The following ANKRD44 variants were observed in gnomAD, a reference collection of about 807,000 sequenced individuals.
ANKRD44 encodes the protein serine/threonine-protein phosphatase 6 regulatory ankyrin repeat subunit B.
In ANKRD44, 35 loss-of-function variants were observed where a neutral mutation model predicts 116.0. That is an observed-to-expected ratio of 0.30 (90% CI 0.23 to 0.40). The LOEUF (loss-of-function observed/expected upper bound fraction) is 0.40. Among genes scored for constraint, ANKRD44 ranks in the 10% least tolerant of loss-of-function variants. The probability of loss-of-function intolerance (pLI) is 1.00; values close to 1 mark genes in which losing one functional copy is unlikely to be tolerated. For synonymous variants in ANKRD44, 435 were observed against 461.8 expected (o/e 0.94, Z 0.74); for missense variants, 1,014 against 1,242.6 (o/e 0.82, Z 2.77).
intron 1 of ANKRD44, among the ~76,000 whole-genome samples, chr2:197,288,109 A>C (rs1304367707): frequency 6.6e-6 from 1 of 152,126 alleles, no homozygotes; most frequent in Non-Finnish European, 1.5e-5. Context: ...TTGCCCAAAA[A>C]TCAGTTATAA....
At chr2:197,287,089 A>C (rs2083427791) in intron 1 of ANKRD44, among the ~76,000 whole-genome samples, 1 of 152,062 alleles carries the variant, frequency 6.6e-6, no homozygotes, top group Non-Finnish European at 1.5e-5. Context: ...TCAACTATGG[A>C]CTTTGGGTGA....
rs142451221 is a variant in ANKRD44, at chr2:197,273,311, C to T, written c.27+37267G>A. On this transcript the variant is annotated intron_variant, in intron 1 of 27. Coordinates refer to ENST00000282272, the MANE Select transcript of ANKRD44 (RefSeq NM_001195144.2). ...ACTGGTCAGAAGAGGATAGTTAACC[C>T]GATTTTTTTAACATCAAATTAAATG... Among the ~76,000 whole-genome samples, 42 of 152,076 alleles carry T rather than the reference C, an allele frequency of 2.8e-4. 1 individual carries two copies. The highest frequency in any genetic ancestry group is 8.9e-4 in the African/African-American group (37 of 41,458).
chr2:197,072,684 T>C (rs1226591901), intron 16 of ANKRD44, among the ~76,000 whole-genome samples: 1 of 152,238 alleles, frequency 6.6e-6, no homozygotes, highest in Non-Finnish European at 1.5e-5. Context: ...GCCTTATAAG[T>C]TGATATTTAA....
chr2:197,119,626 T>C (rs1032780052), intron 8 of ANKRD44, among the ~76,000 whole-genome samples: 1 of 152,128 alleles, frequency 6.6e-6, no homozygotes, highest in Non-Finnish European at 1.5e-5. Context: ...CTATTAGAAA[T>C]TGTGAAAAAA....
At chr2:197,247,704 C>T (rs2082223402) in intron 1 of ANKRD44, among the ~76,000 whole-genome samples, 1 of 152,194 alleles carries the variant, frequency 6.6e-6, no homozygotes, top group Non-Finnish European at 1.5e-5. Flanking sequence ...ACACCCAAAA[C>T]CACACAATGG....
At chr2:197,289,623 G>GCTTT (rs1408563209) in intron 1 of ANKRD44, among the ~76,000 whole-genome samples, 1 of 152,184 alleles carries the variant, frequency 6.6e-6, no homozygotes, top group Non-Finnish European at 1.5e-5. Flanking sequence ...AGAAACTAAA[G>GCTTT]AGGACAAACT....
intron 1 of ANKRD44, among the ~76,000 whole-genome samples, chr2:197,200,418 T>C (rs986131286): frequency 1.3e-5 from 2 of 152,144 alleles, no homozygotes. Context: ...TAGACATGTA[T>C]ATGCTCAGGA....
chr2:197,203,665 G>A lies in ANKRD44; in HGVS notation c.28-16559C>T, dbSNP rs1329345007. Among the ~76,000 whole-genome samples, 1 of 152,190 alleles carries A rather than the reference G, an allele frequency of 6.6e-6. No individual in the cohort carries two copies. The highest frequency in any genetic ancestry group is 2.4e-5 in the African/African-American group (1 of 41,436). ...AAAAACGTGTACCTAAATGTCCACA[G>A]CAGTACTATTCACAACAGTCAAAAG... is the stretch of plus-strand genomic sequence containing the variant. On this transcript the variant is annotated intron_variant, in intron 1 of 27. Coordinates refer to ENST00000282272, the MANE Select transcript of ANKRD44 (RefSeq NM_001195144.2). This position sits in a 1 kb window ranked among gnomAD's most constrained non-coding sequence, Gnocchi z 4.1.
chr2:197,122,095 C>T (rs888055340), intron 7 of ANKRD44, among the ~76,000 whole-genome samples: 2 of 152,112 alleles, frequency 1.3e-5, no homozygotes, highest in Admixed American at 6.5e-5. Flanking sequence ...GTTTCGTCCA[C>T]GGCTCCCTAT....
downstream of ANKRD44, among the ~76,000 whole-genome samples, chr2:196,981,681 G>A (rs979670874): frequency 3.3e-5 from 5 of 152,132 alleles, no homozygotes; most frequent in Admixed American, 6.5e-5. Flanking sequence ...TTGAGAGGCT[G>A]AGGCAGGAGA....
intron 1 of ANKRD44, among the ~76,000 whole-genome samples, chr2:197,273,563 A>G (rs901585581): frequency 3.9e-5 from 6 of 152,196 alleles, no homozygotes; most frequent in East Asian, 1.9e-4. Context: ...CCCTTTTTCA[A>G]TAGGCCACTG....
At chr2:197,116,220 T>C (rs905927583) in intron 8 of ANKRD44, among the ~76,000 whole-genome samples, 3 of 152,302 alleles carry the variant, frequency 2.0e-5, no homozygotes, top group Non-Finnish European at 4.4e-5. Flanking sequence ...GCCTCTGGTA[T>C]GGGGCACACT....
chr2:197,279,474 C>T (rs1047967496), intron 1 of ANKRD44, among the ~76,000 whole-genome samples: 3 of 152,136 alleles, frequency 2.0e-5, no homozygotes, highest in Non-Finnish European at 2.9e-5. Flanking sequence ...AACTCCTTAG[C>T]GGGTTTTCAC....
At chr2:197,140,491 A>G (rs1269768045) in intron 3 of ANKRD44, among the ~76,000 whole-genome samples, 2 of 151,566 alleles carry the variant, frequency 1.3e-5, no homozygotes, top group African/African-American at 4.9e-5. Context: ...GCTAATTTTT[A>G]AAAATTTTTT....
chr2:197,072,949 C>T (rs930163675), intron 16 of ANKRD44, among the ~76,000 whole-genome samples: 1 of 152,170 alleles, frequency 6.6e-6, no homozygotes, highest in Admixed American at 6.5e-5. Flanking sequence ...TAAAACATAA[C>T]TTCATGTCAG....
At chr2:197,283,612 G>A (rs886771797) in intron 1 of ANKRD44, among the ~76,000 whole-genome samples, 4 of 152,072 alleles carry the variant, frequency 2.6e-5, no homozygotes, top group African/African-American at 9.7e-5. Flanking sequence ...TGTTGAAAGT[G>A]TACCTGGATG....
intron 1 of ANKRD44, among the ~76,000 whole-genome samples, chr2:197,309,815 C>T (rs923888180): frequency 3.3e-5 from 5 of 152,162 alleles, no homozygotes; most frequent in African/African-American, 1.2e-4. Context: ...CACAGACCTG[C>T]GGCGAGGACT....
At chr2:196,974,781 T>C (rs1319303769) in intron 21 of ANKRD44, among the ~76,000 whole-genome samples, 5 of 151,624 alleles carry the variant, frequency 3.3e-5, no homozygotes, top group African/African-American at 1.2e-4. Flanking sequence ...GCCCAGCTAC[T>C]TGGGAGGCTG....
chr2:197,277,160 C>G (rs747086456), intron 1 of ANKRD44, among the ~76,000 whole-genome samples: 3 of 151,812 alleles, frequency 2.0e-5, no homozygotes, highest in Non-Finnish European at 4.4e-5. Context: ...ATCTCCTGAC[C>G]TTGTGATTGG....
Sources: gnomAD v4.1 joint callset for allele counts (sites outside exome capture counted in the v4.1 genomes callset) on GRCh38, gnomAD v4.1.1 for gene constraint, Gnocchi (gnomAD v3.1) non-coding constraint, MANE v1.5 for transcripts, NCBI Gene and HGNC (gene_info 2026-07-23, HGNC 2026-07-21) for gene names.